Variants in ZNF710 observed in about 807,000 individuals in gnomAD.
ZNF710 encodes zinc finger protein 710.
Under a neutral mutation model 50.6 loss-of-function variants are expected in ZNF710, and 13 were observed. The observed-to-expected ratio is 0.26, with a 90% CI of 0.17 to 0.41. The LOEUF is 0.41. Ranked by LOEUF, ZNF710 falls within the 10% of genes least tolerant of loss-of-function variation. The pLI, the probability that ZNF710 is intolerant of heterozygous loss-of-function variation, is 1.00. For missense variants in ZNF710, 721 were observed against 936.6 expected, an observed-to-expected ratio of 0.77 and a Z score of 3.01; for synonymous variants, 383 against 397.0, an observed-to-expected ratio of 0.96 and a Z score of 0.42.
At chr15:90,061,661 C>T (rs1326285552) in intron 1 of ZNF710, among the ~76,000 whole-genome samples, 1 of 152,154 alleles carries the variant, frequency 6.6e-6, no homozygotes, top group Non-Finnish European at 1.5e-5. Flanking sequence ...TCCCACCCGA[C>T]CCTCCTCTGC....
At chr15:90,004,501 CATT>C (rs1432482532) in intron 1 of ZNF710, among the ~76,000 whole-genome samples, 1 of 152,216 alleles carries the variant, frequency 6.6e-6, no homozygotes, top group African/African-American at 2.4e-5. Context: ...CGGCAGGACT[CATT>C]ATGTTGAAAT....
intron 4 of ZNF710, among the ~76,000 whole-genome samples, chr15:90,079,289 C>G (rs1035260642): frequency 3.3e-5 from 5 of 152,218 alleles, no homozygotes; most frequent in Non-Finnish European, 7.3e-5. Flanking sequence ...GGTGATGTCA[C>G]GCAGGCAGCT....
At chr15:90,008,441 C>CGTAT (rs1220498890) in intron 1 of ZNF710, among the ~76,000 whole-genome samples, 16 of 126,470 alleles carry the variant, frequency 1.3e-4, no homozygotes, top group African/African-American at 4.9e-4. Flanking sequence ...TATATATATA[C>CGTAT]ATATATATAT....
chr15:90,067,085 T>C lies in ZNF710; in HGVS notation c.-28-25T>C. On this transcript the variant is annotated intron_variant, in intron 1 of 4. Transcript: ENST00000268154. This position sits in a 1 kb window ranked among gnomAD's most constrained non-coding sequence, Gnocchi z 8.1. ...TCTGTGCAGGAGTGAGCCAGCAATATTAACCTTCCCTTCTCCACCCACAGC... is the reference window on the plus strand; with the variant it reads ...TCTGTGCAGGAGTGAGCCAGCAATACTAACCTTCCCTTCTCCACCCACAGC... The C allele has an allele frequency of 6.5e-7, 1 of 1,538,248 alleles. No homozygotes were observed. The highest frequency in any genetic ancestry group is 8.8e-7 in the Non-Finnish European group (1 of 1,142,712).
At chr15:90,033,980 T>A (rs1279947523) in intron 1 of ZNF710, among the ~76,000 whole-genome samples, 1 of 152,120 alleles carries the variant, frequency 6.6e-6, no homozygotes, top group Non-Finnish European at 1.5e-5. Flanking sequence ...GGCAGGCAGA[T>A]CACTTGAGGT....
At chr15:90,004,819 G>A (rs954519255) in intron 1 of ZNF710, among the ~76,000 whole-genome samples, 4 of 152,238 alleles carry the variant, frequency 2.6e-5, no homozygotes, top group Non-Finnish European at 5.9e-5. Flanking sequence ...CACGAGTTGG[G>A]TAAATGGAGC....
In ZNF710 at chr15:90,068,392, C is replaced by G; in HGVS notation, c.1255C>G (p.Leu419Val). 1 of 1,613,492 alleles carries G rather than the reference C, an allele frequency of 6.2e-7. No individual in the cohort carries two copies. Among genetic ancestry groups the G allele is most frequent in the Non-Finnish European group, 8.5e-7 (1 of 1,179,878 alleles). Reference protein sequence around the residue: ...CVECGLDFSTLTQLKRHLASH... With the variant: ...CVECGLDFSTVTQLKRHLASH... Reference sequence around the variant, plus strand: ...CGAGTGCGGCCTGGACTTCTCCACCCTGACCCAGCTCAAGCGCCACCTGGC... The same window carrying G: ...CGAGTGCGGCCTGGACTTCTCCACCGTGACCCAGCTCAAGCGCCACCTGGC... Residue 419 changes from leucine to valine, a missense_variant, in exon 2 of 5, where the codon CTG (leucine) becomes GTG (valine). Transcript: ENST00000268154. The surrounding 1 kb of genome is among the most constrained non-coding windows in gnomAD (Gnocchi z 5.0).
intron 4 of ZNF710, among the ~76,000 whole-genome samples, chr15:90,077,535 C>T (rs150346542): frequency 0.016 from 2,488 of 152,188 alleles, 30 homozygotes; most frequent in Middle Eastern, 0.054. Flanking sequence ...TGAGCCACTG[C>T]GCCTGGCCCC....
chr15:90,046,996 C>A (rs1899482770), intron 1 of ZNF710, among the ~76,000 whole-genome samples: 1 of 152,220 alleles, frequency 6.6e-6, no homozygotes, highest in Non-Finnish European at 1.5e-5. Context: ...CCGGAAGCTG[C>A]CAGGGCAGGC....
intron 1 of ZNF710, among the ~76,000 whole-genome samples, chr15:90,057,470 T>C (rs2151514449): frequency 6.6e-6 from 1 of 151,866 alleles, no homozygotes; most frequent in East Asian, 1.9e-4. Context: ...CCAAGCTGGG[T>C]GGATCACTTG....
chr15:90,017,204 G>A (rs1295001748), intron 1 of ZNF710, among the ~76,000 whole-genome samples: 1 of 152,178 alleles, frequency 6.6e-6, no homozygotes. Flanking sequence ...ATTCAGAAGT[G>A]CCATTGGATA....
At position 90,061,056 on chromosome 15, in the gene ZNF710, T is replaced by A. The variant is rs553084429; in HGVS notation, c.-28-6054T>A. ...TTCAGGAAATAGTCATCAAATTACA[T>A]TGATCACGGGTGGTTGGTGATGTCC... On this transcript the variant is annotated intron_variant, in intron 1 of 4. Coordinates refer to ENST00000268154, the MANE Select transcript of ZNF710 (RefSeq NM_198526.4). 3.9e-5 allele frequency among the ~76,000 whole-genome samples: 6 copies of A among 152,298 alleles called. No homozygotes were observed. The South Asian group carries it at 1.2e-3, about 32-fold the overall frequency.
At position 90,038,740 on chromosome 15, in the gene ZNF710, T is replaced by TGTGTGTGTGTGTGTGTGTGTGA. The variant is rs150950322; in HGVS notation, c.-28-28369_-28-28368insTGTGTGTGTGTGTGTGTGTGAG. ...GTGTGTGTGTGTGTGTGTGTGTGTG[T>TGTGTGTGTGTGTGTGTGTGTGA]GAGACATTGGCTTTGAAGAGTCCAG... On this transcript the variant is annotated intron_variant, in intron 1 of 4. Coordinates refer to ENST00000268154, the MANE Select transcript of ZNF710 (RefSeq NM_198526.4). 7.6e-3 allele frequency among the ~76,000 whole-genome samples: 1,123 copies of TGTGTGTGTGTGTGTGTGTGTGA among 148,558 alleles called. 17 individuals carry two copies. Among genetic ancestry groups the TGTGTGTGTGTGTGTGTGTGTGA allele is most frequent in the East Asian group, 0.046 (235 of 5,106 alleles).
rs908835004 is a variant in ZNF710 at position 90,034,063 on chromosome 15, G to A, written c.-29+32449G>A. On this transcript the variant is annotated intron_variant, in intron 1 of 4. Coordinates refer to ENST00000268154, the MANE Select transcript of ZNF710 (RefSeq NM_198526.4). The surrounding 1 kb of genome is among the most constrained non-coding windows in gnomAD (Gnocchi z 4.0). ...CTAAAAGTACAAAAATTAGCTGGGC[G>A]TGGTAGCAGCTGTAGTCCCAGCTAC... 5.3e-5 allele frequency among the ~76,000 whole-genome samples: 8 copies of A among 152,182 alleles called. No individual in the cohort carries two copies. The highest frequency in any genetic ancestry group is 3.4e-3 in the Middle Eastern group (1 of 294).
At chr15:90,012,694 C>G (rs949311893) in intron 1 of ZNF710, among the ~76,000 whole-genome samples, 1 of 152,050 alleles carries the variant, frequency 6.6e-6, no homozygotes, top group Admixed American at 6.6e-5. Context: ...TTAGTTATCT[C>G]TAATCCCTGT....
intron 1 of ZNF710, among the ~76,000 whole-genome samples, chr15:90,058,250 G>A (rs1899888046): frequency 6.6e-6 from 1 of 152,216 alleles, no homozygotes. Context: ...AGGCAAGGAA[G>A]AAGGCACTTG....
chr15:90,052,259 G>T (rs16943847), intron 1 of ZNF710, among the ~76,000 whole-genome samples: 1 of 121,390 alleles, frequency 8.2e-6, no homozygotes, highest in Non-Finnish European at 1.8e-5. Context: ...ACTTTTTTTT[G>T]TCGCAGGGGA....
At chr15:90,038,740 T>TGA (rs111461630) in intron 1 of ZNF710, among the ~76,000 whole-genome samples, 73 of 148,606 alleles carry the variant, frequency 4.9e-4, no homozygotes, top group African/African-American at 1.3e-3. Context: ...TGTGTGTGTG[T>TGA]GAGACATTGG....
At position 90,079,901 on chromosome 15, in the gene ZNF710, C is replaced by T. The variant is rs1596068659; in HGVS notation, c.*72C>T. The T allele has an allele frequency of 5.0e-6, 7 of 1,395,382 alleles. No individual in the cohort carries two copies. Among genetic ancestry groups the T allele is most frequent in the East Asian group, 5.1e-5 (2 of 39,552 alleles). The allele number at this position is 1,395,382 out of a possible 1,614,324, so 86.4% of individuals were successfully genotyped here. On this transcript the variant is annotated 3_prime_UTR_variant, in exon 5 of 5. Coordinates refer to ENST00000268154, the MANE Select transcript of ZNF710 (RefSeq NM_198526.4). ...GGTGAGACCCATGGGCTGCAGGCTG[C>T]ACCTCCTGCAGCCGAGAAACAAGCT...
Sources: allele counts gnomAD v4.1 joint callset (sites outside exome capture counted in the v4.1 genomes callset), GRCh38; gene constraint gnomAD v4.1.1; non-coding constraint Gnocchi (gnomAD v3.1); transcripts MANE v1.5; gene names NCBI Gene and HGNC (gene_info 2026-07-23, HGNC 2026-07-21).